Variants in ADAMTS3 observed in about 807,000 individuals in gnomAD.
ADAMTS3 encodes ADAM metallopeptidase with thrombospondin type 1 motif 3.
In ADAMTS3, 73 loss-of-function variants were observed where a neutral mutation model predicts 129.0. The ratio of observed to expected loss-of-function variants is 0.57; its 90% CI spans 0.47 to 0.69. The LOEUF (loss-of-function observed/expected upper bound fraction) is 0.69, where lower values mean the gene tolerates loss of function less well. ADAMTS3 is among the 30% of genes least tolerant of loss of function. The pLI, the probability that ADAMTS3 is intolerant of heterozygous loss-of-function variation, is 0.00. For synonymous variants in ADAMTS3, 477 were observed against 510.8 expected, an observed-to-expected ratio of 0.93 and a Z score of 0.89; for missense variants, 1,457 against 1,514.5, an observed-to-expected ratio of 0.96 and a Z score of 0.63.
intron 2 of ADAMTS3, among the ~76,000 whole-genome samples, chr4:72,565,535 T>A (rs1722001028): frequency 6.6e-6 from 1 of 152,220 alleles, no homozygotes; most frequent in South Asian, 2.1e-4. Flanking sequence ...ACTTTTGCTA[T>A]CACAAGACCT....
At chr4:72,455,898 A>AGTATATATACT (rs1718549947) in intron 3 of ADAMTS3, among the ~76,000 whole-genome samples, 3 of 113,054 alleles carry the variant, frequency 2.7e-5, no homozygotes, top group African/African-American at 3.8e-5. Context: ...TTTTATATAT[A>AGTATATATACT]GTATATACAC....
At chr4:72,558,356 G>A (rs183793547) in intron 2 of ADAMTS3, among the ~76,000 whole-genome samples, 308 of 151,702 alleles carry the variant, frequency 2.0e-3, no homozygotes, top group Middle Eastern at 3.4e-3. Context: ...CACCGACATC[G>A]CCTGGCTTAT....
intron 2 of ADAMTS3, among the ~76,000 whole-genome samples, chr4:72,561,269 C>T (rs1721896619): frequency 6.6e-6 from 1 of 151,692 alleles, no homozygotes; most frequent in Admixed American, 6.6e-5. Context: ...ATTGCTTGAA[C>T]CCAGAAGGCA....
At chr4:72,338,288 C>T (rs1410007265) in intron 5 of ADAMTS3, among the ~76,000 whole-genome samples, 1 of 152,086 alleles carries the variant, frequency 6.6e-6, no homozygotes, top group Non-Finnish European at 1.5e-5. Context: ...GAGTTGAAAA[C>T]ATTCATATGA....
chr4:72,540,900 T>C (rs1721305238), intron 3 of ADAMTS3, among the ~76,000 whole-genome samples: 1 of 152,206 alleles, frequency 6.6e-6, no homozygotes, highest in African/African-American at 2.4e-5. Context: ...AGCACTCTCA[T>C]GGAGAATCTC....
chr4:72,457,615 T>C (rs1338874576), intron 3 of ADAMTS3, among the ~76,000 whole-genome samples: 1 of 151,652 alleles, frequency 6.6e-6, no homozygotes, highest in African/African-American at 2.4e-5. Flanking sequence ...GTTAAAAACT[T>C]TGCCTGCTCT....
chr4:72,298,344 C>T lies in ADAMTS3; in HGVS notation c.2523G>A (p.Gln841=), dbSNP rs185001283. 3 of 1,613,182 alleles carry T rather than the reference C, an allele frequency of 1.9e-6. No individual in the cohort carries two copies. Among genetic ancestry groups the T allele is most frequent in the African/African-American group, 2.7e-5 (2 of 74,982 alleles). ...VPTINSNNVI[Q]EELDTFEWAL... ...CCCACTCAAAAGTATCTAATTCTTC[C>T]TGGATGACATTGTTGCTGTTGATTG... Residue 841 remains glutamine (Q), a synonymous_variant, in exon 18 of 22, where the codon CAG becomes CAA. Coordinates refer to ENST00000286657, the MANE Select transcript of ADAMTS3 (RefSeq NM_014243.3).
chr4:72,520,649 T>G (rs1720642564), intron 3 of ADAMTS3, among the ~76,000 whole-genome samples: 1 of 152,208 alleles, frequency 6.6e-6, no homozygotes, highest in African/African-American at 2.4e-5. Flanking sequence ...CCAAGCCATG[T>G]GCGGGATATA....
intron 3 of ADAMTS3, among the ~76,000 whole-genome samples, chr4:72,502,462 C>T (rs1422957118): frequency 1.3e-5 from 2 of 152,044 alleles, no homozygotes; most frequent in African/African-American, 4.8e-5. Context: ...GTTGTAGTCA[C>T]CTTTGCCATT....
chr4:72,475,959 G>T (rs1719219532), intron 3 of ADAMTS3, among the ~76,000 whole-genome samples: 1 of 151,794 alleles, frequency 6.6e-6, no homozygotes, highest in Non-Finnish European at 1.5e-5. Flanking sequence ...AAATTTGTGG[G>T]ACACAGTTAA....
rs535182602 is a variant in ADAMTS3, at chr4:72,485,817, C to T, written c.504+62661G>A. 6.6e-5 allele frequency among the ~76,000 whole-genome samples: 10 copies of T among 152,234 alleles called. No homozygotes were observed. In the South Asian group the frequency reaches 1.9e-3, roughly 28 times the overall value. ...GGGGGCCTTTGGGAGGTAATAAGGT[C>T]ATGAGGGCTTTGCCCTCATAAATGA... is the stretch of plus-strand genomic sequence containing the variant. On this transcript the variant is annotated intron_variant, in intron 3 of 21. Transcript: ENST00000286657.
Position 72,520,973 on chromosome 4 carries a change from C to T in ADAMTS3, c.504+27505G>A, listed in dbSNP as rs563225741. ...GCTGTAGACTAGCGCTGTTCCTATTCGGCCATCTGGGCTCCTCCCCACTTT... is the reference window on the plus strand; with the variant it reads ...GCTGTAGACTAGCGCTGTTCCTATTTGGCCATCTGGGCTCCTCCCCACTTT... On this transcript the variant is annotated intron_variant, in intron 3 of 21. Coordinates refer to ENST00000286657, the MANE Select transcript of ADAMTS3 (RefSeq NM_014243.3). 3.7e-3 allele frequency among the ~76,000 whole-genome samples: 561 copies of T among 151,826 alleles called. 3 individuals are homozygous for T. The highest frequency in any genetic ancestry group is 7.3e-3 in the South Asian group (35 of 4,810).
chr4:72,550,641 G>A (rs978490952), intron 2 of ADAMTS3, among the ~76,000 whole-genome samples: 4 of 152,144 alleles, frequency 2.6e-5, no homozygotes, highest in African/African-American at 9.7e-5. Context: ...AACTAGACTA[G>A]GCACCAGTAT....
At chr4:72,427,792 C>T (rs766017757) in intron 3 of ADAMTS3, among the ~76,000 whole-genome samples, 4 of 151,918 alleles carry the variant, frequency 2.6e-5, no homozygotes, top group African/African-American at 7.2e-5. Context: ...TGCCTTTTAC[C>T]GCACAGTAAA....
At chr4:72,370,851 G>A (rs1209712961) in intron 4 of ADAMTS3, among the ~76,000 whole-genome samples, 2 of 152,156 alleles carry the variant, frequency 1.3e-5, no homozygotes, top group Non-Finnish European at 2.9e-5. Context: ...TGTGCCCCCT[G>A]AAAGATAAGT....
chr4:72,553,604 A>G (rs1301186304), intron 2 of ADAMTS3, among the ~76,000 whole-genome samples: 2 of 152,090 alleles, frequency 1.3e-5, no homozygotes, highest in African/African-American at 2.4e-5. Context: ...GCTGCTCTCT[A>G]TCCCTTCACT....
chr4:72,385,135 C>A (rs1721412648), intron 4 of ADAMTS3, among the ~76,000 whole-genome samples: 1 of 151,430 alleles, frequency 6.6e-6, no homozygotes, highest in East Asian at 1.9e-4. Flanking sequence ...AGCCGAGATC[C>A]TGCCACTGCA....
intron 3 of ADAMTS3, among the ~76,000 whole-genome samples, chr4:72,530,673 T>A (rs1352090292): frequency 2.0e-5 from 1 of 49,616 alleles, no homozygotes; most frequent in Non-Finnish European, 4.0e-5. Flanking sequence ...ATATAATATA[T>A]AATATGTATA....
At position 72,308,792 on chromosome 4, in the gene ADAMTS3, T is replaced by C. The variant is rs1719154289; in HGVS notation, c.2179+605A>G. Among the ~76,000 whole-genome samples the C allele has an allele frequency of 5.9e-5, 9 of 152,106 alleles. 1 individual carries two copies. The South Asian group carries it at 1.9e-3, about 31-fold the overall frequency. On this transcript the variant is annotated intron_variant, in intron 15 of 21. Transcript: ENST00000286657. ...TTTGAACCTTCAGTGTATGTCTAAG[T>C]TCAAGTTATTGACTATGTAACAAGC...
Sources: allele counts gnomAD v4.1 joint callset (sites outside exome capture counted in the v4.1 genomes callset), GRCh38; gene constraint gnomAD v4.1.1; transcripts MANE v1.5; gene names NCBI Gene and HGNC (gene_info 2026-07-23, HGNC 2026-07-21).